Variants in APOL2 observed in about 807,000 individuals in gnomAD.
APOL2 encodes the protein apolipoprotein L, 2.
In APOL2, 8 loss-of-function variants were observed where a neutral mutation model predicts 7.1. The observed-to-expected ratio is 1.12, with a 90% CI of 0.66 to 2.03. The LOEUF (loss-of-function observed/expected upper bound fraction) is 2.03, where lower values mean the gene tolerates loss of function less well. APOL2 is among the 30% of genes most tolerant of loss of function. The pLI is 0.00. For missense variants in APOL2, 471 were observed against 415.1 expected (o/e 1.13, Z -1.17); for synonymous variants, 177 against 159.9 (o/e 1.11, Z -0.81).
chr22:36,231,471 T>C lies in APOL2; in HGVS notation c.11-5A>G, dbSNP rs2015222344. The C allele has an allele frequency of 1.2e-6, 2 of 1,606,712 alleles. No homozygotes were observed. Among genetic ancestry groups the C allele is most frequent in the African/African-American group, 2.9e-5 (2 of 69,614 alleles). On this transcript the variant is annotated splice_polypyrimidine_tract_variant and splice_region_variant and intron_variant, in intron 3 of 4. Coordinates refer to ENST00000358502, the MANE Select transcript of APOL2 (RefSeq NM_030882.4). ...CCTCAATAAAGATACTGCTCTCTAG[T>C]TGGAAAGAAGAAAGGATAAGGTTGG...
chr22:36,236,770 A>T (rs772719597), intron 1 of APOL2: 4 of 1,067,050 alleles, frequency 3.7e-6, no homozygotes, highest in Non-Finnish European at 4.5e-6. Context: ...TTCAGGGTCG[A>T]GGCATCCAGA....
chr22:36,233,960 C>T (rs957949382), intron 1 of APOL2, among the ~76,000 whole-genome samples: 1 of 152,174 alleles, frequency 6.6e-6, no homozygotes, highest in Non-Finnish European at 1.5e-5. Flanking sequence ...CCCGTTGCTT[C>T]TCTAAGATTC....
In APOL2 at chr22:36,228,150, T is replaced by A. The variant is rs2015086486; in HGVS notation, c.268A>T (p.Arg90Trp). ...TTCCTTATGTGATCCTCAAGCTCCC[T>A]TTTCAACCGAGGAAACTCTTTCAAA... ...WFLKEFPRLK[R>W]ELEDHIRKLR... The change falls in exon 5 of 5, where the codon AGG (arginine) becomes TGG (tryptophan). Residue 90 changes from arginine (R) to tryptophan (W), a missense_variant. Physicochemically the swap from Arg to Trp is moderately radical, Grantham distance 101. Transcript: ENST00000358502. 1 of 1,614,232 alleles carries A rather than the reference T, an allele frequency of 6.2e-7. No homozygotes were observed. The highest frequency in any genetic ancestry group is 8.5e-7 in the Non-Finnish European group (1 of 1,180,040).
At chr22:36,239,661 C>G (rs2015536546), upstream of APOL2, 1 of 659,610 alleles carries the variant, frequency 1.5e-6, no homozygotes, top group Non-Finnish European at 2.7e-6. Flanking sequence ...AGTCCAGGCC[C>G]AGCCTCCTTG....
At position 36,226,983 on chromosome 22, in the gene APOL2, C is replaced by T. The variant is rs2015015444; in HGVS notation, c.*421G>A. 1 of 174,526 alleles carries T rather than the reference C, an allele frequency of 5.7e-6. No individual in the cohort carries two copies. The highest frequency in any genetic ancestry group is 2.4e-5 in the African/African-American group (1 of 41,658). The allele number at this position is 174,526 out of a possible 1,614,324, so 10.8% of individuals were successfully genotyped here. ...TGCCAAAGTCACTAACACTCAGTTC[C>T]ATAAGCTTTACCTTGCCCTCCTTAT... On this transcript the variant is annotated 3_prime_UTR_variant, in exon 5 of 5. Coordinates refer to ENST00000358502, the MANE Select transcript of APOL2 (RefSeq NM_030882.4).
intron 3 of APOL2, among the ~76,000 whole-genome samples, chr22:36,232,861 T>C (rs2010467): frequency 0.61 from 92,429 of 150,822 alleles, 29,493 homozygotes; most frequent in Middle Eastern, 0.72. Context: ...CTCCCCTCTC[T>C]TGCTTGTTCC....
At chr22:36,232,001 A>T (rs773396411) in intron 3 of APOL2, among the ~76,000 whole-genome samples, 2 of 152,150 alleles carry the variant, frequency 1.3e-5, no homozygotes, top group Non-Finnish European at 2.9e-5. Flanking sequence ...CTCTCAGTGG[A>T]GTCAAAAACC....
chr22:36,237,272 C>T, intron 1 of APOL2: 1 of 1,362,210 alleles, frequency 7.3e-7, no homozygotes, highest in African/African-American at 1.5e-5. Flanking sequence ...GGAGCCCTCC[C>T]TCCCACCTCA....
At chr22:36,236,512 G>A (rs1479847317) in intron 1 of APOL2, 6 of 952,058 alleles carry the variant, frequency 6.3e-6, no homozygotes, top group African/African-American at 3.5e-5. Flanking sequence ...GACTAATAAT[G>A]ACACTATAAG....
chr22:36,233,562 C>G (rs1003882582), intron 1 of APOL2, 107 bp from the exon 2 acceptor site: 19 of 1,034,558 alleles, frequency 1.8e-5, no homozygotes, highest in Non-Finnish European at 2.3e-5. Flanking sequence ...AACATTCTGA[C>G]AATGACCTGG....
rs1198492280 is a variant in APOL2, at chr22:36,237,479, G to A, written c.-134+1962C>T. Reference sequence around the variant, plus strand: ...TCTGGAGTGCTTTGGGGCTATCACAGCTTGCTGTAGCCTAGAGCCCCTGGG... The same window carrying A: ...TCTGGAGTGCTTTGGGGCTATCACAACTTGCTGTAGCCTAGAGCCCCTGGG... On this transcript the variant is annotated intron_variant, in intron 1 of 4. Coordinates refer to ENST00000358502, the MANE Select transcript of APOL2 (RefSeq NM_030882.4). 6.4e-6 allele frequency: 5 copies of A among 786,750 alleles called. No individual in the cohort carries two copies. The South Asian group carries it at 2.8e-4, about 44-fold the overall frequency. The allele number at this position is 786,750 out of a possible 1,614,324, so 48.7% of individuals were successfully genotyped here. A position where few individuals can be genotyped will look rare whatever the true frequency, so the allele number is the denominator to read the frequency against.
intron 3 of APOL2, among the ~76,000 whole-genome samples, chr22:36,232,464 A>C (rs117791278): frequency 7.9e-5 from 12 of 152,336 alleles, no homozygotes; most frequent in Non-Finnish European, 1.6e-4. Flanking sequence ...GGGGATGCAA[A>C]CTAATTCTTA....
rs150897444 is a variant in APOL2, at chr22:36,236,832, C to A, written c.-134+2609G>T. 205 of 1,186,212 alleles carry A rather than the reference C, an allele frequency of 1.7e-4. No individual in the cohort carries two copies. In the Middle Eastern group the frequency reaches 4.7e-3, roughly 27 times the overall value. The allele number at this position is 1,186,212 out of a possible 1,614,324, so 73.5% of individuals were successfully genotyped here. On this transcript the variant is annotated intron_variant, in intron 1 of 4. Coordinates refer to ENST00000358502, the MANE Select transcript of APOL2 (RefSeq NM_030882.4). ...GCAAGACTAAAAGGGGGACCCAGTC[C>A]TGGGCAGCAGTTCACCAGGGGAGTA...
In APOL2 at chr22:36,227,085, G is replaced by T; in HGVS notation, c.*319C>A. ...AATCCCAGCACTTTGGGAGGCCGAG[G>T]TGGGCAGATCACGAGGTCAGGAGAT... On this transcript the variant is annotated 3_prime_UTR_variant, in exon 5 of 5. Coordinates refer to ENST00000358502, the MANE Select transcript of APOL2 (RefSeq NM_030882.4). 1 of 225,016 alleles carries T rather than the reference G, an allele frequency of 4.4e-6. No individual in the cohort carries two copies. The highest frequency in any genetic ancestry group is 8.7e-6 in the Non-Finnish European group (1 of 114,914). The allele number at this position is 225,016 out of a possible 1,614,324, so 13.9% of individuals were successfully genotyped here.
chr22:36,239,893 G>T (rs865783788), upstream of APOL2: 19 of 226,166 alleles, frequency 8.4e-5, no homozygotes, highest in African/African-American at 3.9e-4. Context: ...GCAGGTGGGG[G>T]AGAGAAGTCA....
At chr22:36,230,955 T>C (rs1284159827) in intron 4 of APOL2, among the ~76,000 whole-genome samples, 1 of 152,198 alleles carries the variant, frequency 6.6e-6, no homozygotes, top group African/African-American at 2.4e-5. Flanking sequence ...CCACCAAGCT[T>C]GTAAGATGTT....
At chr22:36,230,671 A>G (rs114291874) in intron 4 of APOL2, among the ~76,000 whole-genome samples, 191 of 151,770 alleles carry the variant, frequency 1.3e-3, no homozygotes, top group African/African-American at 4.4e-3. Flanking sequence ...CCTTCACCAC[A>G]CTCCTATGAC....
intron 1 of APOL2, among the ~76,000 whole-genome samples, chr22:36,235,116 G>T (rs1341544040): frequency 6.6e-6 from 1 of 152,244 alleles, no homozygotes; most frequent in Non-Finnish European, 1.5e-5. Flanking sequence ...GGTCTACTAG[G>T]CAGAGCCTCA....
In APOL2 at chr22:36,231,404, G is replaced by A; in HGVS notation, c.73C>T (p.Leu25=). 6.2e-7 allele frequency: 1 copy of A among 1,614,180 alleles called. No homozygotes were observed. Among genetic ancestry groups the A allele is most frequent in the Non-Finnish European group, 8.5e-7 (1 of 1,179,998 alleles). ...YFQDQVSREN[L]LQLLTDDEAW... is the part of the protein sequence containing the mutation. Reference sequence around the variant, plus strand: ...TCATCATCAGTCAGCAGTTGTAGCAGATTCTCTCTGCTCACTTGGTCCTGG... The same window carrying A: ...TCATCATCAGTCAGCAGTTGTAGCAAATTCTCTCTGCTCACTTGGTCCTGG... Residue 25 remains leucine (L), a synonymous_variant, in exon 4 of 5, where the codon CTG becomes TTG. Transcript: ENST00000358502.
Sources: gnomAD v4.1 joint callset for allele counts (sites outside exome capture counted in the v4.1 genomes callset) on GRCh38, gnomAD v4.1.1 for gene constraint, MANE v1.5 for transcripts, NCBI Gene and HGNC (gene_info 2026-07-23, HGNC 2026-07-21) for gene names.